Variants in MYLK observed in about 807,000 individuals in gnomAD.
MYLK encodes myosin light chain kinase, also known as myosin light chain kinase, smooth muscle.
A neutral mutation model predicts 203.4 loss-of-function variants in MYLK; 106 were observed. The ratio of observed to expected loss-of-function variants is 0.52; its 90% confidence interval spans 0.45 to 0.61. The LOEUF (loss-of-function observed/expected upper bound fraction) is 0.61, where lower values mean the gene tolerates loss of function less well. Ranked by LOEUF, MYLK falls within the 20% of genes least tolerant of loss-of-function variation. MYLK has a pLI of 0.00. For missense variants in MYLK, 2,072 were observed against 2,442.3 expected, an observed-to-expected ratio of 0.85 and a Z score of 3.20; for synonymous variants, 867 against 959.5, an observed-to-expected ratio of 0.90 and a Z score of 1.78.
intron 3 of MYLK, among the ~76,000 whole-genome samples, chr3:123,809,451 A>G (rs1264577625): frequency 5.9e-5 from 9 of 152,174 alleles, no homozygotes; most frequent in Admixed American, 2.0e-4. Flanking sequence ...GCTTGAACCC[A>G]GGAGGCGGAA....
intron 10 of MYLK, among the ~76,000 whole-genome samples, chr3:123,733,367 C>T (rs188029799): frequency 2.6e-5 from 4 of 152,168 alleles, no homozygotes; most frequent in South Asian, 2.1e-4. Flanking sequence ...GAAGAAAGGG[C>T]GGAGGAGACC....
intron 26 of MYLK, among the ~76,000 whole-genome samples, chr3:123,647,721 A>T (rs1378946597): frequency 2.1e-5 from 3 of 145,954 alleles, no homozygotes; most frequent in Non-Finnish European, 4.6e-5. Flanking sequence ...ATCTTTAAAC[A>T]TTTTTTTTTT....
chr3:123,640,529 G>A lies in MYLK; in HGVS notation c.4620-25C>T, dbSNP rs1188914168. On this transcript the variant is annotated intron_variant, in intron 27 of 33. Coordinates refer to ENST00000360304, the MANE Select transcript of MYLK (RefSeq NM_053025.4). The surrounding 1 kb of genome is among the most constrained non-coding windows in gnomAD (Gnocchi z 4.3). ...GCTGCGGGAACACGTGCACGGGGTG[G>A]TCAGGCCACAGGCTCATGGAGGCCA... 1 of 1,612,842 alleles carries A rather than the reference G, an allele frequency of 6.2e-7. No homozygotes were observed. The highest frequency in any genetic ancestry group is 2.2e-5 in the East Asian group (1 of 44,876).
chr3:123,635,100 C>G (rs1233926058), intron 29 of MYLK, among the ~76,000 whole-genome samples: 1 of 152,206 alleles, frequency 6.6e-6, no homozygotes, highest in Non-Finnish European at 1.5e-5. Flanking sequence ...TTCCAACTCC[C>G]TGGCCTCTCC....
chr3:123,851,877 G>A (rs1056536831), intron 2 of MYLK, among the ~76,000 whole-genome samples: 1 of 152,044 alleles, frequency 6.6e-6, no homozygotes, highest in Admixed American at 6.6e-5. Flanking sequence ...TATTGGCTGT[G>A]GGTTTGTCAT....
chr3:123,735,234 T>A (rs1033715016), intron 9 of MYLK, 164 bp downstream of exon 9: 13 of 951,354 alleles, frequency 1.4e-5, no homozygotes, highest in Non-Finnish European at 2.2e-5. Flanking sequence ...TGTGTCATAT[T>A]ACAATAGGAG....
intron 5 of MYLK, among the ~76,000 whole-genome samples, chr3:123,750,002 T>C (rs1375796165): frequency 2.6e-5 from 4 of 152,204 alleles, no homozygotes; most frequent in Non-Finnish European, 5.9e-5. Context: ...GTTTCCTTTG[T>C]AAAGGGTTGG....
chr3:123,854,005 T>C (rs2031112536), intron 2 of MYLK, among the ~76,000 whole-genome samples: 1 of 151,920 alleles, frequency 6.6e-6, no homozygotes, highest in African/African-American at 2.4e-5. Flanking sequence ...TTTGGAAACC[T>C]GGGTCTACCA....
chr3:123,738,458 T>C (rs529876831), intron 7 of MYLK, among the ~76,000 whole-genome samples: 154 of 152,248 alleles, frequency 1.0e-3, no homozygotes, highest in African/African-American at 2.9e-3. Flanking sequence ...AGACTCCTAC[T>C]AGTTGAAGGG....
At chr3:123,670,034 C>CAAAAAAAAAAAA (rs57445681) in intron 20 of MYLK, among the ~76,000 whole-genome samples, 1 of 37,064 alleles carries the variant, frequency 2.7e-5, no homozygotes, top group African/African-American at 9.0e-5. Flanking sequence ...GACTCCATCT[C>CAAAAAAAAAAAA]AAAAAAAAAA....
chr3:123,771,777 C>T (rs1392802891), intron 4 of MYLK, among the ~76,000 whole-genome samples: 1 of 152,182 alleles, frequency 6.6e-6, no homozygotes, highest in Non-Finnish European at 1.5e-5. Flanking sequence ...AGAACACTTA[C>T]ATTAGCTTAC....
Position 123,718,972 on chromosome 3 carries a change from C to T in MYLK, c.1804+3156G>A, listed in dbSNP as rs558805343. On this transcript the variant is annotated intron_variant, in intron 13 of 33. Transcript: ENST00000360304. ...CTAGAAGCACACGGTGTTCAGGGAA[C>T]GCATTCTGGGGTGATTAGGGTAGGC... is the stretch of plus-strand genomic sequence containing the variant. Among the ~76,000 whole-genome samples, 10 of 152,234 alleles carry T rather than the reference C, an allele frequency of 6.6e-5. No individual in the cohort carries two copies. The East Asian group carries it at 1.4e-3, about 21-fold the overall frequency.
chr3:123,759,937 C>T (rs561292210), intron 4 of MYLK, among the ~76,000 whole-genome samples: 1 of 152,286 alleles, frequency 6.6e-6, no homozygotes, highest in South Asian at 2.1e-4. Context: ...GTATATGAGA[C>T]AATACATATC....
intron 3 of MYLK, chr3:123,799,864 CAT>C (rs1050803979): frequency 6.6e-6 from 1 of 152,452 alleles, no homozygotes; most frequent in African/African-American, 2.4e-5. Flanking sequence ...GCAGCTCTCA[CAT>C]GAGTCAGGAT....
At chr3:123,858,001 G>C (rs1205050787) in intron 2 of MYLK, among the ~76,000 whole-genome samples, 4 of 152,096 alleles carry the variant, frequency 2.6e-5, no homozygotes, top group Non-Finnish European at 5.9e-5. Flanking sequence ...TCAGCCACGG[G>C]CATAATGTAA....
intron 3 of MYLK, among the ~76,000 whole-genome samples, chr3:123,810,935 C>G (rs1577043275): frequency 6.6e-6 from 1 of 152,216 alleles, no homozygotes; most frequent in Admixed American, 6.5e-5. Context: ...ATTTTTCTAG[C>G]AATCATGGCT....
intron 29 of MYLK, among the ~76,000 whole-genome samples, chr3:123,634,957 G>T (rs1481802277): frequency 2.0e-5 from 3 of 152,246 alleles, no homozygotes; most frequent in Non-Finnish European, 4.4e-5. Context: ...TCAGGATCCG[G>T]GGTAAGAGTG....
intron 6 of MYLK, 63 bp downstream of exon 6, chr3:123,739,890 T>G: frequency 6.4e-7 from 1 of 1,574,772 alleles, no homozygotes; most frequent in South Asian, 1.1e-5. Flanking sequence ...CCCAGACCTA[T>G]CCTGCTCAAG....
chr3:123,724,739 CT>C, intron 12 of MYLK, among the ~76,000 whole-genome samples: 1 of 30,284 alleles, frequency 3.3e-5, no homozygotes, highest in Non-Finnish European at 8.7e-5. Flanking sequence ...CTTGCTCGCT[CT>C]TTCATTTATT....
Sources: allele counts gnomAD v4.1 joint callset (sites outside exome capture counted in the v4.1 genomes callset), GRCh38; gene constraint gnomAD v4.1.1; non-coding constraint Gnocchi (gnomAD v3.1); transcripts MANE v1.5; gene names NCBI Gene and HGNC (gene_info 2026-07-23, HGNC 2026-07-21).